NBEAL1: variants seen among roughly 807,000 people sequenced by gnomAD.
The protein encoded by NBEAL1 is neurobeachin-like protein 1.
In NBEAL1, 273 loss-of-function variants were observed where a neutral mutation model predicts 351.3. The observed-to-expected ratio is 0.78, with a 90% CI of 0.70 to 0.86. The LOEUF (loss-of-function observed/expected upper bound fraction) is 0.86, where lower values mean the gene tolerates loss of function less well. Among genes scored for constraint, NBEAL1 ranks in the 40% least tolerant of loss-of-function variants. The probability of loss-of-function intolerance (pLI) is 0.00; values close to 1 mark genes in which losing one functional copy is unlikely to be tolerated. For synonymous variants in NBEAL1, 1,050 were observed against 1,086.4 expected, an observed-to-expected ratio of 0.97 and a Z score of 0.66; for missense variants, 2,961 against 3,201.3, an observed-to-expected ratio of 0.92 and a Z score of 1.81.
intron 42 of NBEAL1, among the ~76,000 whole-genome samples, chr2:203,179,557 A>G (rs1026699788): frequency 6.6e-6 from 1 of 152,170 alleles, no homozygotes; most frequent in African/African-American, 2.4e-5. Flanking sequence ...TTATGCAAGT[A>G]AAACATAAAA....
intron 36 of NBEAL1, among the ~76,000 whole-genome samples, chr2:203,162,734 T>C (rs1245008068): frequency 6.6e-6 from 1 of 152,202 alleles, no homozygotes. Context: ...AACAAAAATA[T>C]ATTGTTTGAT....
chr2:203,096,582 C>T (rs1446565293), intron 10 of NBEAL1, among the ~76,000 whole-genome samples: 1 of 152,090 alleles, frequency 6.6e-6, no homozygotes, highest in East Asian at 1.9e-4. Context: ...CTTTATTTTA[C>T]TCAGAAGAGG....
At chr2:203,094,983 G>A (rs1366978783) in intron 10 of NBEAL1, among the ~76,000 whole-genome samples, 2 of 151,952 alleles carry the variant, frequency 1.3e-5, no homozygotes, top group African/African-American at 4.8e-5. Context: ...AATTAGCCAG[G>A]CGTGGTGGCG....
intron 29 of NBEAL1, 78 bp downstream of exon 29, chr2:203,136,852 T>A: frequency 8.0e-7 from 1 of 1,243,808 alleles, no homozygotes; most frequent in Non-Finnish European, 1.1e-6. Context: ...TATTGAACAT[T>A]TATTCAGTAT....
At chr2:203,063,460 G>C (rs1401519500) in intron 6 of NBEAL1, among the ~76,000 whole-genome samples, 5 of 149,848 alleles carry the variant, frequency 3.3e-5, no homozygotes, top group Non-Finnish European at 5.9e-5. Flanking sequence ...GAGGGAGGGA[G>C]GGAGGGAGGG....
At chr2:203,090,163 T>C (rs1229399919) in intron 10 of NBEAL1, among the ~76,000 whole-genome samples, 1 of 152,184 alleles carries the variant, frequency 6.6e-6, no homozygotes, top group Non-Finnish European at 1.5e-5. Flanking sequence ...ATTATTCACC[T>C]TATAAGTTCT....
intron 7 of NBEAL1, among the ~76,000 whole-genome samples, chr2:203,071,398 C>G (rs931121647): frequency 6.6e-6 from 1 of 152,110 alleles, no homozygotes. Flanking sequence ...GATCAAGGCT[C>G]TAGTTTTATG....
intron 31 of NBEAL1, among the ~76,000 whole-genome samples, chr2:203,142,403 G>C (rs945273028): frequency 6.6e-6 from 1 of 152,074 alleles, no homozygotes; most frequent in Admixed American, 6.5e-5. Flanking sequence ...TGATCTGCCC[G>C]CCTCAGCCTC....
rs1378388058 is a variant in NBEAL1 at position 203,220,260 on chromosome 2, C to T, written c.*2906C>T. 2.0e-5 allele frequency among the ~76,000 whole-genome samples: 3 copies of T among 152,086 alleles called. No individual in the cohort carries two copies. The highest frequency in any genetic ancestry group is 4.4e-5 in the Non-Finnish European group (3 of 67,970). On this transcript the variant is annotated 3_prime_UTR_variant, in exon 56 of 56. Coordinates refer to ENST00000683969, the MANE Select transcript of NBEAL1 (RefSeq NM_001378026.1). ...CAGCTCTTTGGGAGGCCGAGGTGGG[C>T]GGATCACAAGGTCAGGAGTTCAAGA...
chr2:203,063,825 A>G (rs2061538220), intron 6 of NBEAL1, among the ~76,000 whole-genome samples: 1 of 152,186 alleles, frequency 6.6e-6, no homozygotes, highest in South Asian at 2.1e-4. Flanking sequence ...ATTCAGGAAG[A>G]AAATTTATGA....
intron 2 of NBEAL1, among the ~76,000 whole-genome samples, chr2:203,028,152 G>T (rs1320382734): frequency 1.3e-5 from 2 of 151,828 alleles, no homozygotes; most frequent in South Asian, 2.1e-4. Flanking sequence ...AAAGTGCTGG[G>T]ATTACAGGTG....
In NBEAL1 at chr2:203,039,721, A is replaced by G. The variant is rs768610039; in HGVS notation, c.52-2044A>G. On this transcript the variant is annotated intron_variant, in intron 2 of 55. Transcript: ENST00000683969. ...TTTTCTTCTAGAAAATTTGGGTTTC[A>G]GTTTTTATGTTTACGTTAATGATCC... Among the ~76,000 whole-genome samples the G allele has an allele frequency of 1.3e-3, 200 of 152,226 alleles. 1 individual carries two copies. The highest frequency in any genetic ancestry group is 4.5e-3 in the African/African-American group (186 of 41,528).
chr2:203,041,882 C>A (rs1222860051), intron 3 of NBEAL1, 26 bp downstream of exon 3: 1 of 1,459,680 alleles, frequency 6.9e-7, no homozygotes. Flanking sequence ...AATTTGTAAC[C>A]CCTGGATGAG....
At chr2:203,164,219 T>C (rs1426954206) in intron 36 of NBEAL1, among the ~76,000 whole-genome samples, 1 of 151,986 alleles carries the variant, frequency 6.6e-6, no homozygotes, top group African/African-American at 2.4e-5. Flanking sequence ...ACCACTGCAC[T>C]CTAGCCTGGG....
intron 14 of NBEAL1, 113 bp from the exon 15 acceptor site, chr2:203,110,037 C>T: frequency 9.6e-7 from 1 of 1,040,982 alleles, no homozygotes; most frequent in South Asian, 2.0e-5. Flanking sequence ...AGAATTTAAG[C>T]CACAGAATTG....
In NBEAL1 at chr2:203,127,798, ATG is replaced by A; in HGVS notation, c.3267_3268del (p.Asn1089LysfsTer6). On this transcript the variant is annotated frameshift_variant, in exon 24 of 56. Transcript: ENST00000683969. LOFTEE classifies it high-confidence loss of function. ...TCTTTCAGGAATGGTTGTAAATATA[ATG>A]AACTATCTCTAGATGATATTCGAAC... The A allele has an allele frequency of 6.6e-7, 1 of 1,510,570 alleles. No individual in the cohort carries two copies. The highest frequency in any genetic ancestry group is 9.0e-7 in the Non-Finnish European group (1 of 1,111,656). The allele number at this position is 1,510,570 out of a possible 1,614,324, so 93.6% of individuals were successfully genotyped here.
chr2:203,178,341 A>G (rs565434559), intron 42 of NBEAL1, among the ~76,000 whole-genome samples: 1 of 151,864 alleles, frequency 6.6e-6, no homozygotes, highest in East Asian at 1.9e-4. Flanking sequence ...ACTTTTTTGT[A>G]TATTTGGTAG....
In NBEAL1 at chr2:203,121,374, C is replaced by T. The variant is rs79957057; in HGVS notation, c.2593-880C>T. Among the ~76,000 whole-genome samples the T allele has an allele frequency of 1.4e-4, 22 of 152,076 alleles. No homozygotes were observed. In the East Asian group the frequency reaches 4.1e-3, roughly 28 times the overall value. ...ATTTAAAAACTATGACTGGCGAGGC[C>T]GGGTGCAGTGGCTCATGCCTGTAAT... On this transcript the variant is annotated intron_variant, in intron 18 of 55. Coordinates refer to ENST00000683969, the MANE Select transcript of NBEAL1 (RefSeq NM_001378026.1).
At chr2:203,034,398 C>T (rs145744506) in intron 2 of NBEAL1, among the ~76,000 whole-genome samples, 2,072 of 132,838 alleles carry the variant, frequency 0.016, 134 homozygotes, top group Middle Eastern at 0.056. Context: ...ACCTTGCGAT[C>T]CGCCCACCTT....
Sources: gnomAD v4.1 joint callset for allele counts (sites outside exome capture counted in the v4.1 genomes callset) on GRCh38, gnomAD v4.1.1 for gene constraint, MANE v1.5 for transcripts, NCBI Gene and HGNC (gene_info 2026-07-23, HGNC 2026-07-21) for gene names.